The following SRBD1 variants were observed in gnomAD, a reference collection of about 807,000 sequenced individuals.
SRBD1 encodes the protein S1 RNA-binding domain-containing protein 1.
Under a neutral mutation model 115.3 loss-of-function variants are expected in SRBD1, and 88 were observed. The observed-to-expected ratio is 0.76, with a 90% CI of 0.64 to 0.91. The LOEUF (loss-of-function observed/expected upper bound fraction) is 0.91. Ranked by LOEUF, SRBD1 falls within the 40% of genes least tolerant of loss-of-function variation. The probability of loss-of-function intolerance (pLI) is 0.00; values close to 1 mark genes in which losing one functional copy is unlikely to be tolerated. For missense variants in SRBD1, 1,385 were observed against 1,177.4 expected (o/e 1.18, Z -2.58); for synonymous variants, 509 against 407.7 (o/e 1.25, Z -2.99).
At chr2:45,526,968 G>A (rs1671462205) in intron 14 of SRBD1, among the ~76,000 whole-genome samples, 1 of 151,884 alleles carries the variant, frequency 6.6e-6, no homozygotes, top group Non-Finnish European at 1.5e-5. Context: ...AACGTTACAT[G>A]TCTTAAGCTG....
intron 14 of SRBD1, among the ~76,000 whole-genome samples, chr2:45,513,383 C>A (rs1349591444): frequency 6.7e-6 from 1 of 148,386 alleles, no homozygotes. Flanking sequence ...GGCTAGATTA[C>A]AAGCTGAAAG....
rs935689529 is a variant in SRBD1 at position 45,493,210 on chromosome 2, T to A, written c.1875-4879A>T. 2.6e-5 allele frequency among the ~76,000 whole-genome samples: 4 copies of A among 152,148 alleles called. No individual in the cohort carries two copies. The South Asian group carries it at 8.3e-4, about 32-fold the overall frequency. ...AGACTGAGAAACATATCGTGAGAGG[T>A]TAAATGACTTGCACTAGGTTTCTCA... On this transcript the variant is annotated intron_variant, in intron 14 of 20. Transcript: ENST00000263736.
At chr2:45,408,544 A>G (rs781014226) in intron 19 of SRBD1, among the ~76,000 whole-genome samples, 4 of 152,210 alleles carry the variant, frequency 2.6e-5, no homozygotes, top group Non-Finnish European at 5.9e-5. Flanking sequence ...TATATTTCAC[A>G]TGCAGAAACT....
chr2:45,499,313 A>G (rs1399253637), intron 14 of SRBD1, among the ~76,000 whole-genome samples: 4 of 151,998 alleles, frequency 2.6e-5, no homozygotes, highest in Non-Finnish European at 5.9e-5. Flanking sequence ...AAATGTTTGT[A>G]CAGGTCTTTT....
intron 17 of SRBD1, among the ~76,000 whole-genome samples, chr2:45,419,020 C>T (rs763450596): frequency 1.3e-5 from 2 of 152,084 alleles, no homozygotes; most frequent in Non-Finnish European, 2.9e-5. Flanking sequence ...CTATAATTGT[C>T]ATGGTTAGTA....
At chr2:45,568,324 A>C (rs1171643675) in intron 9 of SRBD1, among the ~76,000 whole-genome samples, 2 of 152,186 alleles carry the variant, frequency 1.3e-5, no homozygotes, top group African/African-American at 4.8e-5. Context: ...CCTTCACCAC[A>C]CTGTCTTTCA....
chr2:45,566,232 C>T (rs1380430205), intron 9 of SRBD1, among the ~76,000 whole-genome samples: 3 of 152,148 alleles, frequency 2.0e-5, no homozygotes, highest in Non-Finnish European at 2.9e-5. Context: ...GAAATAAAAA[C>T]ATATGTCCAC....
At chr2:45,477,163 T>C in intron 15 of SRBD1, 88 bp from the exon 16 acceptor site, 1 of 1,042,774 alleles carries the variant, frequency 9.6e-7, no homozygotes, top group East Asian at 2.5e-5. Context: ...ATAATGTAAG[T>C]ACTTAATCCT....
At chr2:45,530,931 T>C (rs559423391) in intron 14 of SRBD1, among the ~76,000 whole-genome samples, 2 of 151,988 alleles carry the variant, frequency 1.3e-5, no homozygotes, top group African/African-American at 4.8e-5. Context: ...TGAGACCCTG[T>C]CTCAAAAACA....
intron 4 of SRBD1, among the ~76,000 whole-genome samples, chr2:45,595,936 G>C (rs550720747): frequency 9.3e-4 from 141 of 152,174 alleles, no homozygotes; most frequent in African/African-American, 3.3e-3. Context: ...CAATTCACAG[G>C]CAAGGAGTGC....
At chr2:45,600,312 G>GA (rs11393102) in intron 3 of SRBD1, among the ~76,000 whole-genome samples, 65,584 of 151,902 alleles carry the variant, frequency 0.43, 15,281 homozygotes, top group African/African-American at 0.62. Flanking sequence ...TACCATTCGG[G>GA]AAAAAATGGA....
chr2:45,561,711 C>A (rs574631039), intron 10 of SRBD1, among the ~76,000 whole-genome samples: 1 of 152,278 alleles, frequency 6.6e-6, no homozygotes, highest in African/African-American at 2.4e-5. Context: ...GGATCAATTA[C>A]ACTCTGAAAA....
chr2:45,505,942 G>T (rs746122938), intron 14 of SRBD1, among the ~76,000 whole-genome samples: 1 of 152,146 alleles, frequency 6.6e-6, no homozygotes, highest in African/African-American at 2.4e-5. Flanking sequence ...GAAAGCTTTG[G>T]AGGCTTTTAA....
At chr2:45,438,315 G>C (rs1040127114) in intron 16 of SRBD1, among the ~76,000 whole-genome samples, 18 of 152,128 alleles carry the variant, frequency 1.2e-4, no homozygotes, top group African/African-American at 4.1e-4. Context: ...ACAACACAGA[G>C]CATCCACAAT....
At chr2:45,390,209 A>G (rs1666959413) in intron 20 of SRBD1, among the ~76,000 whole-genome samples, 1 of 152,206 alleles carries the variant, frequency 6.6e-6, no homozygotes, top group Non-Finnish European at 1.5e-5. Flanking sequence ...ATCCCAGACC[A>G]GGTAGTATCT....
chr2:45,592,660 T>G (rs898244397), intron 4 of SRBD1, among the ~76,000 whole-genome samples: 3 of 152,188 alleles, frequency 2.0e-5, no homozygotes. Flanking sequence ...CATCAGTAAC[T>G]TGGATACCTT....
At chr2:45,567,422 C>A (rs750317306) in intron 9 of SRBD1, among the ~76,000 whole-genome samples, 2 of 151,934 alleles carry the variant, frequency 1.3e-5, no homozygotes, top group Non-Finnish European at 2.9e-5. Flanking sequence ...TGAGCCTGGG[C>A]AACATGGCGA....
chr2:45,412,100 T>C (rs895623119), intron 19 of SRBD1, among the ~76,000 whole-genome samples: 2 of 151,758 alleles, frequency 1.3e-5, no homozygotes, highest in African/African-American at 4.8e-5. Context: ...AGAGATCTTG[T>C]CTCAAAAACA....
chr2:45,500,751 T>C (rs1670607242), intron 14 of SRBD1, among the ~76,000 whole-genome samples: 1 of 152,226 alleles, frequency 6.6e-6, no homozygotes, highest in Non-Finnish European at 1.5e-5. Flanking sequence ...TTTTGTATTC[T>C]GCAACTTTAC....
Sources: gnomAD v4.1 joint callset for allele counts (sites outside exome capture counted in the v4.1 genomes callset) on GRCh38, gnomAD v4.1.1 for gene constraint, MANE v1.5 for transcripts, NCBI Gene and HGNC (gene_info 2026-07-23, HGNC 2026-07-21) for gene names.